The following ZSCAN25 variants were observed in gnomAD, a reference collection of about 807,000 sequenced individuals.
ZSCAN25 encodes the protein zinc finger and SCAN domain containing 25.
Under a neutral mutation model 38.7 loss-of-function variants are expected in ZSCAN25, and 27 were observed. The ratio of observed to expected loss-of-function variants is 0.70; its 90% CI spans 0.51 to 0.96. The LOEUF (loss-of-function observed/expected upper bound fraction) is 0.96, where lower values mean the gene tolerates loss of function less well. Ranked by LOEUF, ZSCAN25 falls within the 40% of genes least tolerant of loss-of-function variation. The pLI is 0.00. For missense variants in ZSCAN25, 637 were observed against 705.9 expected, an observed-to-expected ratio of 0.90 and a Z score of 1.11; for synonymous variants, 273 against 277.7, an observed-to-expected ratio of 0.98 and a Z score of 0.17.
chr7:99,707,032 A>C, the ZSCAN25 span, among the ~76,000 whole-genome samples: 4 of 152,362 alleles, frequency 2.6e-5, no homozygotes, highest in East Asian at 7.7e-4. Context: ...AGAGCAGAGG[A>C]GTAAATGAGC....
At chr7:99,688,274 C>A in the ZSCAN25 span, among the ~76,000 whole-genome samples, 1 of 152,108 alleles carries the variant, frequency 6.6e-6, no homozygotes, top group Non-Finnish European at 1.5e-5. Context: ...ATTCAGGAAA[C>A]CCATCTCACA....
chr7:99,655,213 T>C, the ZSCAN25 span, among the ~76,000 whole-genome samples: 1 of 152,210 alleles, frequency 6.6e-6, no homozygotes, highest in Non-Finnish European at 1.5e-5. Context: ...TGGTTTTAGG[T>C]CTAACATGTA....
the ZSCAN25 span, among the ~76,000 whole-genome samples, chr7:99,719,059 G>A: frequency 6.6e-6 from 1 of 152,198 alleles, no homozygotes; most frequent in African/African-American, 2.4e-5. Context: ...CAAACATAGT[G>A]AAGATAAAGA....
the ZSCAN25 span, among the ~76,000 whole-genome samples, chr7:99,690,021 C>G: frequency 2.5e-4 from 38 of 152,254 alleles, no homozygotes; most frequent in Admixed American, 3.3e-4. Flanking sequence ...AACAAAGCCG[C>G]AGGCATCACG....
chr7:99,736,243 C>A, the ZSCAN25 span, among the ~76,000 whole-genome samples: 878 of 152,300 alleles, frequency 5.8e-3, 7 homozygotes, highest in African/African-American at 0.018. Flanking sequence ...AACAGCTGCC[C>A]AGATGGCCAG....
intron 6 of ZSCAN25, among the ~76,000 whole-genome samples, chr7:99,623,445 G>T (rs910498143): frequency 1.3e-5 from 2 of 152,218 alleles, no homozygotes; most frequent in Admixed American, 6.5e-5. Context: ...TAGCAGGGAG[G>T]TGGGGGCTTT....
At chr7:99,647,941 CATG>C in the ZSCAN25 span, 1 of 983,582 alleles carries the variant, frequency 1.0e-6, no homozygotes, top group Non-Finnish European at 1.2e-6. Flanking sequence ...TTAGAGTCAT[CATG>C]ATAATTCTTA....
the ZSCAN25 span, among the ~76,000 whole-genome samples, chr7:99,697,545 C>CTGT: frequency 6.6e-6 from 1 of 152,182 alleles, no homozygotes; most frequent in African/African-American, 2.4e-5. Context: ...AGGTACCTTC[C>CTGT]TGTTGATAGC....
chr7:99,660,397 C>G, the ZSCAN25 span: 1 of 1,482,410 alleles, frequency 6.7e-7, no homozygotes, highest in Non-Finnish European at 8.9e-7. Flanking sequence ...GTGAAGGAAT[C>G]AGTGATTATG....
chr7:99,698,401 TG>T, the ZSCAN25 span, among the ~76,000 whole-genome samples: 2 of 152,206 alleles, frequency 1.3e-5, no homozygotes, highest in African/African-American at 4.8e-5. Context: ...AATATCTCTT[TG>T]GAGTTCTACC....
chr7:99,727,585 C>T, the ZSCAN25 span, among the ~76,000 whole-genome samples: 2 of 152,162 alleles, frequency 1.3e-5, no homozygotes, highest in South Asian at 2.1e-4. Flanking sequence ...CCCCATATTT[C>T]CTTCTTTCCT....
At chr7:99,729,630 A>G in the ZSCAN25 span, among the ~76,000 whole-genome samples, 3 of 152,204 alleles carry the variant, frequency 2.0e-5, no homozygotes, top group Admixed American at 6.5e-5. Flanking sequence ...ACGACATTCC[A>G]TTATGACTTG....
chr7:99,708,093 G>A, the ZSCAN25 span: 1 of 1,422,618 alleles, frequency 7.0e-7, no homozygotes, highest in Non-Finnish European at 9.8e-7. Flanking sequence ...ATACTTTTGT[G>A]GGCTAGTCAC....
the ZSCAN25 span, among the ~76,000 whole-genome samples, chr7:99,680,189 G>A: frequency 6.6e-6 from 1 of 152,306 alleles, no homozygotes; most frequent in South Asian, 2.1e-4. Flanking sequence ...AGAAACTCAA[G>A]TGGAGCCATT....
chr7:99,638,568 G>T, the ZSCAN25 span: 159 of 1,555,618 alleles, frequency 1.0e-4, 1 homozygote, highest in Admixed American at 1.3e-4. Flanking sequence ...TCTTGTCCTG[G>T]CCACCCACAT....
the ZSCAN25 span, among the ~76,000 whole-genome samples, chr7:99,715,151 C>T: frequency 6.6e-6 from 1 of 152,106 alleles, no homozygotes; most frequent in African/African-American, 2.4e-5. Context: ...AAACAATAAA[C>T]TTTTAAGCAA....
chr7:99,706,494 T>C, the ZSCAN25 span, among the ~76,000 whole-genome samples: 1 of 152,376 alleles, frequency 6.6e-6, no homozygotes, highest in Non-Finnish European at 1.5e-5. Context: ...TCCTCTTCTA[T>C]GTAGAAAGCC....
chr7:99,715,708 C>T, the ZSCAN25 span: 6 of 1,612,458 alleles, frequency 3.7e-6, no homozygotes, highest in East Asian at 1.3e-4. Flanking sequence ...CTCAATAAAG[C>T]AGTTATTTTT....
At chr7:99,716,654 C>G in the ZSCAN25 span, among the ~76,000 whole-genome samples, 1 of 152,184 alleles carries the variant, frequency 6.6e-6, no homozygotes, top group South Asian at 2.1e-4. Context: ...GCTTGCCCCA[C>G]CTATAGCGTT....
Sources: allele counts gnomAD v4.1 joint callset (sites outside exome capture counted in the v4.1 genomes callset), GRCh38; gene constraint gnomAD v4.1.1; transcripts MANE v1.5; gene names NCBI Gene and HGNC (gene_info 2026-07-23, HGNC 2026-07-21).